The following FRMD4B variants were observed in gnomAD, a reference collection of about 807,000 sequenced individuals.
FRMD4B encodes FERM domain containing 4B.
FRMD4B carries 74 observed loss-of-function variants against 141.5 expected under a neutral mutation model. The ratio of observed to expected loss-of-function variants is 0.52; its 90% CI spans 0.43 to 0.63. The LOEUF is 0.63. FRMD4B is among the 30% of genes least tolerant of loss of function. FRMD4B has a pLI of 0.00. For missense variants in FRMD4B, 1,366 were observed against 1,253.4 expected (o/e 1.09, Z -1.36); for synonymous variants, 506 against 467.9 (o/e 1.08, Z -1.05).
chr3:69,222,213 C>A (rs1406747792), intron 8 of FRMD4B, among the ~76,000 whole-genome samples: 2 of 152,126 alleles, frequency 1.3e-5, no homozygotes, highest in African/African-American at 4.8e-5. Context: ...TGGCTCACGC[C>A]TGTAATCCCA....
In FRMD4B at chr3:69,353,604, G is replaced by A. The variant is rs1352060269; in HGVS notation, c.162+32224C>T. The A allele has an allele frequency of 1.0e-5, 10 of 985,234 alleles. No homozygotes were observed. The African/African-American group carries it at 1.7e-4, about 17-fold the overall frequency. 61.0% of individuals were successfully genotyped at this position (985,234 alleles called of 1,614,324 possible). A position where few individuals can be genotyped will look rare whatever the true frequency, so the allele number is the denominator to read the frequency against. The stretch of plus-strand genomic sequence containing the variant: ...ACTGAAGAGAGTGCTTAAGACAAAA[G>A]ACACACGTATTAAGCACTTGTGCGG... On this transcript the variant is annotated intron_variant, in intron 1 of 22. Coordinates refer to ENST00000398540, the MANE Select transcript of FRMD4B (RefSeq NM_015123.3).
At chr3:69,401,876 A>G (rs1704569656) in intron 2 of FRMD4B, among the ~76,000 whole-genome samples, 1 of 152,226 alleles carries the variant, frequency 6.6e-6, no homozygotes, top group Non-Finnish European at 1.5e-5. Context: ...CAGTGTAAGA[A>G]GCACAGGGGT....
At chr3:69,410,728 T>TG (rs1704743346) in intron 2 of FRMD4B, among the ~76,000 whole-genome samples, 1 of 6,518 alleles carries the variant, frequency 1.5e-4, no homozygotes, top group South Asian at 4.9e-3. Context: ...AATAAATAAA[T>TG]ATATATATAT....
At chr3:69,251,151 C>CA (rs1227674824) in intron 5 of FRMD4B, among the ~76,000 whole-genome samples, 1 of 151,928 alleles carries the variant, frequency 6.6e-6, no homozygotes, top group Non-Finnish European at 1.5e-5. Context: ...TTAACAAATG[C>CA]AAAAAAATTC....
At chr3:69,418,616 G>A (rs142066436) in intron 2 of FRMD4B, among the ~76,000 whole-genome samples, 247 of 152,302 alleles carry the variant, frequency 1.6e-3, no homozygotes, top group African/African-American at 5.7e-3. Flanking sequence ...CCACATGTCA[G>A]GGAACTGCAG....
chr3:69,298,758 C>T (rs143755992), intron 4 of FRMD4B, among the ~76,000 whole-genome samples: 1 of 152,244 alleles, frequency 6.6e-6, no homozygotes, highest in East Asian at 1.9e-4. Context: ...TTTGAGAGGC[C>T]TTCCCTGACC....
At chr3:69,390,710 T>C (rs987714061), upstream of FRMD4B, among the ~76,000 whole-genome samples, 1 of 152,034 alleles carries the variant, frequency 6.6e-6, no homozygotes, top group Admixed American at 6.6e-5. Flanking sequence ...CTGGCCAACA[T>C]GACAAAACCA....
chr3:69,196,775 G>T, intron 13 of FRMD4B, 125 bp downstream of exon 13: 1 of 695,558 alleles, frequency 1.4e-6, no homozygotes, highest in Non-Finnish European at 2.4e-6. Flanking sequence ...ATAGTTGGAA[G>T]TTAAACGCAA....
intron 1 of FRMD4B, among the ~76,000 whole-genome samples, chr3:69,343,616 G>T: frequency 1.7e-5 from 2 of 118,932 alleles, no homozygotes; most frequent in African/African-American, 3.3e-5. Context: ...GTCTCGCTCT[G>T]TCACCCAGGC....
intron 1 of FRMD4B, among the ~76,000 whole-genome samples, chr3:69,330,608 G>A (rs1702335648): frequency 6.6e-6 from 1 of 151,108 alleles, no homozygotes; most frequent in African/African-American, 2.4e-5. Flanking sequence ...GCCTCCCAAA[G>A]TTCTGGGATT....
intron 1 of FRMD4B, among the ~76,000 whole-genome samples, chr3:69,456,107 A>G (rs1705606346): frequency 1.3e-5 from 2 of 152,202 alleles, no homozygotes; most frequent in Non-Finnish European, 2.9e-5. Context: ...CATCACTTAT[A>G]TAGGGATTGA....
intron 1 of FRMD4B, among the ~76,000 whole-genome samples, chr3:69,350,124 C>G (rs561881967): frequency 1.6e-4 from 24 of 152,030 alleles, no homozygotes; most frequent in African/African-American, 5.6e-4. Context: ...AACAAATTTA[C>G]AAGAAAAAAA....
At chr3:69,190,037 C>T (rs1018691241) in intron 17 of FRMD4B, 85 bp from the exon 18 acceptor site, 21 of 724,720 alleles carry the variant, frequency 2.9e-5, no homozygotes, top group Non-Finnish European at 4.9e-5. Flanking sequence ...CAATGGAATG[C>T]ATTTTCATTT....
At chr3:69,276,612 C>T (rs2093618998) in intron 5 of FRMD4B, among the ~76,000 whole-genome samples, 1 of 152,152 alleles carries the variant, frequency 6.6e-6, no homozygotes, top group Non-Finnish European at 1.5e-5. Context: ...ACTGCATTGG[C>T]TTTCAAGAGA....
intron 1 of FRMD4B, among the ~76,000 whole-genome samples, chr3:69,526,173 T>A (rs1245171007): frequency 1.3e-5 from 2 of 152,162 alleles, no homozygotes; most frequent in Non-Finnish European, 2.9e-5. Context: ...CTCCCAGAAG[T>A]AGCCCTCAGT....
chr3:69,288,872 C>A (rs1001098041), intron 4 of FRMD4B, among the ~76,000 whole-genome samples: 2 of 152,220 alleles, frequency 1.3e-5, no homozygotes, highest in African/African-American at 4.8e-5. Context: ...GCCTTTGCTT[C>A]TCTTTTTCTC....
intron 6 of FRMD4B, 34 bp downstream of exon 6, chr3:69,250,009 G>C: frequency 7.0e-7 from 1 of 1,424,958 alleles, no homozygotes; most frequent in Non-Finnish European, 9.9e-7. Context: ...ACAAACACAA[G>C]GGAGCTGCTA....
intron 1 of FRMD4B, among the ~76,000 whole-genome samples, chr3:69,516,733 T>G (rs1700765285): frequency 6.6e-6 from 1 of 152,228 alleles, no homozygotes; most frequent in Non-Finnish European, 1.5e-5. Context: ...CTTATCAGTT[T>G]TCTATGAGTT....
At chr3:69,297,618 AG>A (rs1158298382) in intron 4 of FRMD4B, among the ~76,000 whole-genome samples, 1 of 152,170 alleles carries the variant, frequency 6.6e-6, no homozygotes, top group Non-Finnish European at 1.5e-5. Flanking sequence ...ATTTCCAGTG[AG>A]GTCACGCCAA....
Sources: allele counts gnomAD v4.1 joint callset (sites outside exome capture counted in the v4.1 genomes callset), GRCh38; gene constraint gnomAD v4.1.1; transcripts MANE v1.5; gene names NCBI Gene and HGNC (gene_info 2026-07-23, HGNC 2026-07-21).